CMIP: variants seen among roughly 807,000 people sequenced by gnomAD.
CMIP encodes the protein c-Maf inducing protein, also known as C-Maf-inducing protein.
CMIP carries 13 observed loss-of-function variants against 97.3 expected under a neutral mutation model. The ratio of observed to expected loss-of-function variants is 0.13; its 90% CI spans 0.09 to 0.21. The LOEUF is 0.21. Among genes scored for constraint, CMIP ranks in the 10% least tolerant of loss-of-function variants. CMIP has a pLI of 1.00. For missense variants in CMIP, 847 were observed against 1,024.9 expected (o/e 0.83, Z 2.37); for synonymous variants, 538 against 436.3 (o/e 1.23, Z -2.91).
chr16:81,645,518 C>T, intron 3 of CMIP: 1 of 1,536,060 alleles, frequency 6.5e-7, no homozygotes. Flanking sequence ...GCAACAGGCT[C>T]TGCTTTCCCT....
At chr16:81,597,498 A>G (rs2091577552) in intron 1 of CMIP, among the ~76,000 whole-genome samples, 1 of 150,482 alleles carries the variant, frequency 6.6e-6, no homozygotes, top group African/African-American at 2.4e-5. Flanking sequence ...GTCTGTCATG[A>G]GAGTGATGCA....
intron 1 of CMIP, among the ~76,000 whole-genome samples, chr16:81,577,380 A>G (rs2091211289): frequency 6.6e-6 from 1 of 150,382 alleles, no homozygotes; most frequent in South Asian, 2.1e-4. Context: ...CATCACCTTC[A>G]TCACCACCAT....
intron 7 of CMIP, among the ~76,000 whole-genome samples, chr16:81,668,115 C>T (rs74031232): frequency 0.016 from 2,404 of 152,190 alleles, 67 homozygotes; most frequent in African/African-American, 0.055. Flanking sequence ...GTCTCTATTT[C>T]TGTTCTACAG....
chr16:81,699,744 AAAC>A lies in CMIP; in HGVS notation c.1701_1703del (p.Asn567del). On this transcript the variant is annotated inframe_deletion, in exon 15 of 21. Transcript: ENST00000537098. ...AAAAATTCCTGCTCTCCCTGGCAGAAAACAAGCTGGGTCCCTGCATGCTCCTGG... is the reference window on the plus strand; with the variant it reads ...AAAAATTCCTGCTCTCCCTGGCAGAAAAGCTGGGTCCCTGCATGCTCCTGG... The A allele has an allele frequency of 6.2e-7, 1 of 1,613,768 alleles. No individual in the cohort carries two copies.
At chr16:81,514,963 C>T (rs2089884635) in intron 1 of CMIP, among the ~76,000 whole-genome samples, 1 of 152,218 alleles carries the variant, frequency 6.6e-6, no homozygotes, top group African/African-American at 2.4e-5. Flanking sequence ...GAACACTCCC[C>T]TGAGCATCGT....
At chr16:81,483,129 G>A (rs114567829) in intron 1 of CMIP, among the ~76,000 whole-genome samples, 89 of 152,362 alleles carry the variant, frequency 5.8e-4, no homozygotes, top group Non-Finnish European at 1.0e-3. Flanking sequence ...TATGAATGGG[G>A]AGGGTGTGGC....
At chr16:81,534,331 C>T (rs766727150) in intron 1 of CMIP, among the ~76,000 whole-genome samples, 15 of 152,120 alleles carry the variant, frequency 9.9e-5, no homozygotes, top group South Asian at 2.1e-4. Context: ...GCATTTGCTC[C>T]GCAAGTTGTT....
chr16:81,677,945 C>T (rs925182709), intron 9 of CMIP, among the ~76,000 whole-genome samples: 1 of 152,216 alleles, frequency 6.6e-6, no homozygotes, highest in African/African-American at 2.4e-5. Context: ...AGGAGAATGC[C>T]AAGAGCCTTA....
At chr16:81,671,922 C>A in intron 8 of CMIP, 44 bp from the exon 9 acceptor site, 1 of 1,077,428 alleles carries the variant, frequency 9.3e-7, no homozygotes, top group Non-Finnish European at 1.4e-6. Context: ...TCCATGGGCC[C>A]CACTCCTGCA....
chr16:81,447,660 G>C (rs1450817027), intron 1 of CMIP, among the ~76,000 whole-genome samples: 3 of 152,218 alleles, frequency 2.0e-5, no homozygotes, highest in Non-Finnish European at 4.4e-5. Context: ...AATGTGGCAA[G>C]AGGAACTATA....
At chr16:81,653,566 G>A (rs1240923169) in intron 4 of CMIP, among the ~76,000 whole-genome samples, 1 of 152,232 alleles carries the variant, frequency 6.6e-6, no homozygotes, top group African/African-American at 2.4e-5. Flanking sequence ...CTGAGCCTGG[G>A]TGCTGGATGT....
In CMIP at chr16:81,475,951, C is replaced by T. The variant is rs184409351; in HGVS notation, c.300+30410C>T. 640 of 433,326 alleles carry T rather than the reference C, an allele frequency of 1.5e-3. 1 individual carries two copies. The highest frequency in any genetic ancestry group is 0.011 in the African/African-American group (531 of 48,034). 26.8% of individuals were successfully genotyped at this position (433,326 alleles called of 1,614,324 possible). On this transcript the variant is annotated intron_variant, in intron 1 of 20. Transcript: ENST00000537098. ...GCAGTGAGCTGAGATTGCTCCACTG[C>T]GCTCCAGCGTGGGTGACAGAGTGAG...
intron 2 of CMIP, chr16:81,610,537 C>A: frequency 1.0e-6 from 1 of 985,548 alleles, no homozygotes; most frequent in Non-Finnish European, 1.2e-6. Context: ...CAAGGGGAAC[C>A]CAGGTGGGTG....
intron 1 of CMIP, among the ~76,000 whole-genome samples, chr16:81,559,769 G>A (rs2090840315): frequency 6.6e-6 from 1 of 152,182 alleles, no homozygotes; most frequent in South Asian, 2.1e-4. Flanking sequence ...ACATTTTATT[G>A]TTATTTTGTG....
At chr16:81,688,879 G>A (rs147896644) in intron 10 of CMIP, among the ~76,000 whole-genome samples, 11 of 152,208 alleles carry the variant, frequency 7.2e-5, no homozygotes, top group Non-Finnish European at 1.2e-4. Context: ...TCATTTTTCA[G>A]TTCCCACCTA....
At chr16:81,640,738 ATG>A (rs751455480) in intron 3 of CMIP, among the ~76,000 whole-genome samples, 14,669 of 138,764 alleles carry the variant, frequency 0.11, 828 homozygotes, top group East Asian at 0.2. Context: ...TCTCTGGAGC[ATG>A]TGTGTGTGTG....
At chr16:81,539,924 C>T (rs908901569) in intron 1 of CMIP, among the ~76,000 whole-genome samples, 2 of 152,172 alleles carry the variant, frequency 1.3e-5, no homozygotes, top group East Asian at 1.9e-4. Context: ...CTACGTGCTC[C>T]GTGTGTACAA....
chr16:81,675,787 G>A (rs1904298511), intron 9 of CMIP, among the ~76,000 whole-genome samples: 1 of 152,196 alleles, frequency 6.6e-6, no homozygotes, highest in Non-Finnish European at 1.5e-5. Flanking sequence ...TGAATAGCCA[G>A]CTTCTCAAAC....
At chr16:81,500,112 G>A (rs1018167454) in intron 1 of CMIP, among the ~76,000 whole-genome samples, 1 of 150,672 alleles carries the variant, frequency 6.6e-6, no homozygotes, top group Non-Finnish European at 1.5e-5. Context: ...CTCACTCTGT[G>A]TCCTGCCAGC....
Sources: gnomAD v4.1 joint callset for allele counts (sites outside exome capture counted in the v4.1 genomes callset) on GRCh38, gnomAD v4.1.1 for gene constraint, MANE v1.5 for transcripts, NCBI Gene and HGNC (gene_info 2026-07-23, HGNC 2026-07-21) for gene names.